The following TBC1D9B variants were observed in gnomAD, a reference collection of about 807,000 sequenced individuals.
TBC1D9B encodes TBC1 domain family member 9B.
TBC1D9B carries 87 observed loss-of-function variants against 121.1 expected under a neutral mutation model. That is an observed-to-expected ratio of 0.72 (90% CI 0.60 to 0.86). The LOEUF (loss-of-function observed/expected upper bound fraction) is 0.86. Among genes scored for constraint, TBC1D9B ranks in the 40% least tolerant of loss-of-function variants. The probability of loss-of-function intolerance (pLI) is 0.00; values close to 1 mark genes in which losing one functional copy is unlikely to be tolerated. For missense variants in TBC1D9B, 1,540 were observed against 1,628.6 expected, an observed-to-expected ratio of 0.95 and a Z score of 0.94; for synonymous variants, 668 against 670.1, an observed-to-expected ratio of 1.00 and a Z score of 0.05.
chr5:179,903,991 A>T (rs185144049), intron 2 of TBC1D9B, among the ~76,000 whole-genome samples: 14 of 152,300 alleles, frequency 9.2e-5, no homozygotes, highest in African/African-American at 3.1e-4. Context: ...AGTGTCTCCA[A>T]ATGACCACAA....
rs1216231901 is a variant in TBC1D9B at position 179,907,193 on chromosome 5, G to A, written c.118+511C>T. On this transcript the variant is annotated intron_variant, in intron 1 of 20. Transcript: ENST00000355235. The surrounding 1 kb of genome is among the most constrained non-coding windows in gnomAD (Gnocchi z 5.3). The stretch of plus-strand genomic sequence containing the variant: ...GGGGAGGAGAAGCTGGGGGAATGGG[G>A]GTGCGGCCAGCTCCAGGGACCTCTG... 2.0e-5 allele frequency among the ~76,000 whole-genome samples: 3 copies of A among 152,180 alleles called. No homozygotes were observed. The highest frequency in any genetic ancestry group is 7.2e-5 in the African/African-American group (3 of 41,452).
chr5:179,887,976 AC>A (rs1760739741), intron 7 of TBC1D9B, 126 bp downstream of exon 7: 1 of 1,195,700 alleles, frequency 8.4e-7, no homozygotes, highest in Admixed American at 1.9e-5. Context: ...GCCAGCTCTG[AC>A]ACATCCACCC....
rs373638158 is a variant in TBC1D9B, at chr5:179,875,209, C to T, written c.1901-22G>A. 1.9e-4 allele frequency: 312 copies of T among 1,607,320 alleles called. No homozygotes were observed. The highest frequency in any genetic ancestry group is 2.5e-4 in the Non-Finnish European group (294 of 1,177,842). ...GCTCCTGCGGGCAGGATGAGCGAGG[C>T]TGATGGTGAGCCCACCCTGTGGCCT... On this transcript the variant is annotated intron_variant, in intron 11 of 20. Coordinates refer to ENST00000355235, the MANE Select transcript of TBC1D9B (RefSeq NM_015043.4). This position sits in a 1 kb window ranked among gnomAD's most constrained non-coding sequence, Gnocchi z 4.5.
rs1354631101 is a variant in TBC1D9B at position 179,904,918 on chromosome 5, G to T, written c.119-106C>A. The stretch of plus-strand genomic sequence containing the variant: ...GACAGGATGGTGACGCTACCCAAAG[G>T]GTCCAGCCCAACGAGGGAAACGTCC... On this transcript the variant is annotated intron_variant, in intron 1 of 20. Coordinates refer to ENST00000355235, the MANE Select transcript of TBC1D9B (RefSeq NM_015043.4). This position sits in a 1 kb window ranked among gnomAD's most constrained non-coding sequence, Gnocchi z 4.2. 6.0e-6 allele frequency: 5 copies of T among 834,020 alleles called. No individual in the cohort carries two copies. The highest frequency in any genetic ancestry group is 9.1e-6 in the Non-Finnish European group (5 of 546,592). 51.7% of individuals were successfully genotyped at this position (834,020 alleles called of 1,614,324 possible).
rs151068388 is a variant in TBC1D9B, at chr5:179,893,675, C to T, written c.578-208G>A. Among the ~76,000 whole-genome samples, 1,391 of 152,228 alleles carry T rather than the reference C, an allele frequency of 9.1e-3. 22 individuals are homozygous for T. Among genetic ancestry groups the T allele is most frequent in the African/African-American group, 0.031 (1,307 of 41,528 alleles). Reference sequence around the variant, plus strand: ...CACTGCCTTCCAGACCAACCACACACGGTGAGTGTCTCCCCCACCAGTGGC... The same window carrying T: ...CACTGCCTTCCAGACCAACCACACATGGTGAGTGTCTCCCCCACCAGTGGC... On this transcript the variant is annotated intron_variant, in intron 4 of 20. Transcript: ENST00000355235.
intron 3 of TBC1D9B, among the ~76,000 whole-genome samples, chr5:179,896,258 T>C (rs1761015580): frequency 6.6e-6 from 1 of 152,232 alleles, no homozygotes; most frequent in African/African-American, 2.4e-5. Context: ...ATTAGTAAAC[T>C]TCTGTTTTTG....
In TBC1D9B at chr5:179,904,002, A is replaced by T. The variant is rs1761232931; in HGVS notation, c.229+700T>A. Among the ~76,000 whole-genome samples, 2 of 152,122 alleles carry T rather than the reference A, an allele frequency of 1.3e-5. No homozygotes were observed. Among genetic ancestry groups the T allele is most frequent in the Non-Finnish European group, 2.9e-5 (2 of 68,018 alleles). On this transcript the variant is annotated intron_variant, in intron 2 of 20. Transcript: ENST00000355235. The surrounding 1 kb of genome is among the most constrained non-coding windows in gnomAD (Gnocchi z 4.2). ...CATGAGTGTCTCCAAATGACCACAA[A>T]ATCGCTGGAAGTATTGATTTGGGGA...
Position 179,874,473 on chromosome 5 carries a change from C to T in TBC1D9B, c.2186+429G>A, listed in dbSNP as rs368372109. Among the ~76,000 whole-genome samples, 1 of 152,076 alleles carries T rather than the reference C, an allele frequency of 6.6e-6. No homozygotes were observed. The highest frequency in any genetic ancestry group is 6.5e-5 in the Admixed American group (1 of 15,270). ...ACATCAGCTCATCCAGCTGTTCCAG[C>T]GGGCCCAGGGCAGGCCTGCTCCCTC... On this transcript the variant is annotated intron_variant, in intron 12 of 20. Transcript: ENST00000355235. This position sits in a 1 kb window ranked among gnomAD's most constrained non-coding sequence, Gnocchi z 4.3.
chr5:179,876,029 G>T lies in TBC1D9B; in HGVS notation c.1791C>A (p.Asn597Lys). The stretch of plus-strand genomic sequence containing the variant: ...AGAGCAGGAGCACCGAGGTCACGAT[G>T]TTCATTGCCTGCCGGGCACAGAGAC... ...NPTIGYCQAM[N>K]IVTSVLLLYG... Residue 597 changes from asparagine to lysine, a missense_variant, in exon 11 of 21, where the codon AAC becomes AAA. Transcript: ENST00000355235. 1 of 1,612,428 alleles carries T rather than the reference G, an allele frequency of 6.2e-7. No homozygotes were observed.
intron 5 of TBC1D9B, among the ~76,000 whole-genome samples, chr5:179,892,225 C>A (rs1582097519): frequency 6.6e-6 from 1 of 152,374 alleles, no homozygotes; most frequent in South Asian, 2.1e-4. Flanking sequence ...TGCATTCTCA[C>A]CGGCAGTGCC....
intron 9 of TBC1D9B, 106 bp from the exon 10 acceptor site, chr5:179,878,629 C>T: frequency 8.9e-7 from 1 of 1,117,544 alleles, no homozygotes; most frequent in Non-Finnish European, 1.3e-6. Context: ...AGAGGTGGGA[C>T]TTGGGGTCAA....
Position 179,867,944 on chromosome 5 carries a change from C to T in TBC1D9B, c.2792-95G>A, listed in dbSNP as rs1461779024. On this transcript the variant is annotated intron_variant, in intron 17 of 20. Transcript: ENST00000355235. ...CAGCCCTGGGCAGAGCCTTGCTTTC[C>T]CTGCCCACGAGCCTGGCCAGTCCCA... 3.2e-6 allele frequency: 4 copies of T among 1,269,122 alleles called. No homozygotes were observed. In the East Asian group the frequency reaches 1.0e-4, roughly 32 times the overall value. The allele number at this position is 1,269,122 out of a possible 1,614,324, so 78.6% of individuals were successfully genotyped here. A position where few individuals can be genotyped will look rare whatever the true frequency, so the allele number is the denominator to read the frequency against.
chr5:179,887,999 C>T, intron 7 of TBC1D9B, 104 bp downstream of exon 7: 1 of 1,430,396 alleles, frequency 7.0e-7, no homozygotes, highest in Non-Finnish European at 9.8e-7. Flanking sequence ...TAGGCGGAGG[C>T]CCACAGCCGG....
intron 2 of TBC1D9B, among the ~76,000 whole-genome samples, chr5:179,903,707 T>C (rs962819915): frequency 6.6e-6 from 1 of 152,234 alleles, no homozygotes; most frequent in Non-Finnish European, 1.5e-5. Flanking sequence ...GAAGCTGCTC[T>C]CATGCACAGA....
In TBC1D9B at chr5:179,863,521, A is replaced by T. The variant is rs1759908190; in HGVS notation, c.3629T>A (p.Ile1210Asn). ...FEKRVDIGLK[I>N]KDQKKVERQF... is the part of the protein sequence containing the mutation. ...TCTCTCCACTTTCTTTTGGTCCTTG[A>T]TCTTGAGTCCAATGTCCACTCTCTT... Residue 1210 changes from isoleucine (I) to asparagine (N), a missense_variant, in exon 21 of 21, where the codon ATC (isoleucine) becomes AAC (asparagine). Ile to Asn is a moderately radical substitution (Grantham distance 149, BLOSUM62 -3). Transcript: ENST00000355235. The surrounding 1 kb of genome is among the most constrained non-coding windows in gnomAD (Gnocchi z 4.5). 1 of 1,613,950 alleles carries T rather than the reference A, an allele frequency of 6.2e-7. No homozygotes were observed. Among genetic ancestry groups the T allele is most frequent in the Non-Finnish European group, 8.5e-7 (1 of 1,180,018 alleles).
chr5:179,865,376 A>G lies in TBC1D9B; in HGVS notation c.2915-16T>C, dbSNP rs1759979283. 1 of 1,612,064 alleles carries G rather than the reference A, an allele frequency of 6.2e-7. No individual in the cohort carries two copies. Among genetic ancestry groups the G allele is most frequent in the Non-Finnish European group, 8.5e-7 (1 of 1,178,306 alleles). On this transcript the variant is annotated splice_polypyrimidine_tract_variant and intron_variant, in intron 19 of 20. Coordinates refer to ENST00000355235, the MANE Select transcript of TBC1D9B (RefSeq NM_015043.4). The surrounding 1 kb of genome is among the most constrained non-coding windows in gnomAD (Gnocchi z 5.1). Reference sequence around the variant, plus strand: ...CCCTTCTCCTCTGCAGGTTAGGAGGAAAGAGATTAATCTTTGTCATGTGAG... The same window carrying G: ...CCCTTCTCCTCTGCAGGTTAGGAGGGAAGAGATTAATCTTTGTCATGTGAG...
chr5:179,866,201 G>A (rs1760002559), intron 18 of TBC1D9B: 1 of 324,992 alleles, frequency 3.1e-6, no homozygotes. Flanking sequence ...GAGGGCTATA[G>A]ACCAGTCTGA....
chr5:179,892,564 C>T (rs918605777), intron 5 of TBC1D9B, among the ~76,000 whole-genome samples: 8 of 152,230 alleles, frequency 5.3e-5, no homozygotes, highest in African/African-American at 1.9e-4. Flanking sequence ...GGGCTGGCTG[C>T]TATGATGTGT....
intron 7 of TBC1D9B, among the ~76,000 whole-genome samples, chr5:179,886,059 T>C (rs1277141940): frequency 6.6e-6 from 1 of 152,214 alleles, no homozygotes; most frequent in South Asian, 2.1e-4. Flanking sequence ...CTAGTTCCCC[T>C]GCTTCTTTCG....
Sources: gnomAD v4.1 joint callset for allele counts (sites outside exome capture counted in the v4.1 genomes callset) on GRCh38, gnomAD v4.1.1 for gene constraint, Gnocchi (gnomAD v3.1) non-coding constraint, MANE v1.5 for transcripts, NCBI Gene and HGNC (gene_info 2026-07-23, HGNC 2026-07-21) for gene names.